The following SH3BP5 variants were observed in gnomAD, a reference collection of about 807,000 sequenced individuals.
The protein encoded by SH3BP5 is SH3 domain-binding protein 5.
In SH3BP5, 22 loss-of-function variants were observed where a neutral mutation model predicts 43.3. The ratio of observed to expected loss-of-function variants is 0.51; its 90% CI spans 0.36 to 0.73. SH3BP5 has a LOEUF of 0.73. Among genes scored for constraint, SH3BP5 ranks in the 30% least tolerant of loss-of-function variants. The probability of loss-of-function intolerance (pLI) is 0.00; values close to 1 mark genes in which losing one functional copy is unlikely to be tolerated. For synonymous variants in SH3BP5, 255 were observed against 225.8 expected, an observed-to-expected ratio of 1.13 and a Z score of -1.16; for missense variants, 529 against 586.9, an observed-to-expected ratio of 0.90 and a Z score of 1.02.
chr3:15,340,995 T>C (rs1698758900), intron 1 of SH3BP5, among the ~76,000 whole-genome samples: 1 of 152,082 alleles, frequency 6.6e-6, no homozygotes, highest in African/African-American at 2.4e-5. Flanking sequence ...GAGGTTGTGA[T>C]GAGCCGAGAG....
intron 2 of SH3BP5, among the ~76,000 whole-genome samples, chr3:15,305,161 A>G (rs1697867946): frequency 6.6e-6 from 1 of 152,184 alleles, no homozygotes; most frequent in South Asian, 2.1e-4. Context: ...TTTTTTAATT[A>G]ACATGGCTAG....
intron 1 of SH3BP5, among the ~76,000 whole-genome samples, chr3:15,341,029 G>A (rs940503662): frequency 5.3e-5 from 8 of 152,050 alleles, no homozygotes; most frequent in African/African-American, 1.9e-4. Context: ...TCCAGCCTGG[G>A]CAACAAGAGT....
chr3:15,312,601 C>T (rs1190057112), intron 2 of SH3BP5, among the ~76,000 whole-genome samples: 1 of 152,138 alleles, frequency 6.6e-6, no homozygotes, highest in Non-Finnish European at 1.5e-5. Context: ...AAGAATGAAG[C>T]AGTTGTTGCT....
At chr3:15,294,330 T>TGTGTGTGTGTGTGTGTGTGCGC (rs565464561) in intron 3 of SH3BP5, among the ~76,000 whole-genome samples, 1 of 121,506 alleles carries the variant, frequency 8.2e-6, no homozygotes, top group Non-Finnish European at 1.6e-5. Context: ...TGTGTGTGTG[T>TGTGTGTGTGTGTGTGTGTGCGC]GCGCGCGCAT....
chr3:15,332,369 C>A lies in SH3BP5; in HGVS notation c.40G>T (p.Ala14Ser). The A allele has an allele frequency of 6.5e-7, 1 of 1,539,760 alleles. No individual in the cohort carries two copies. Among genetic ancestry groups the A allele is most frequent in the Non-Finnish European group, 8.7e-7 (1 of 1,147,896 alleles). The change falls in exon 1 of 9, where the codon GCC becomes TCC. Residue 14 changes from alanine (A) to serine (S), a missense_variant. By Grantham distance (99) the Ala-to-Ser change is moderately conservative (BLOSUM62 1). Transcript: ENST00000383791. ...ALKRSRSEEPAEILPPARDEE... is the reference protein window; with the variant it reads ...ALKRSRSEEPSEILPPARDEE... ...TCCCGGGCAGGCGGCAGGATTTCGG[C>A]TGGCTCCTCCGAGCGGCTCCGCTTC...
At position 15,291,136 on chromosome 3, in the gene SH3BP5, G is replaced by C. The variant is rs75469199; in HGVS notation, c.330+12967C>G. 0.01 allele frequency among the ~76,000 whole-genome samples: 1,593 copies of C among 152,278 alleles called. 84 individuals carry two copies. The East Asian group carries it at 0.17, about 16-fold the overall frequency. ...CTCCTTATCTTAGAAACTCAATTTC[G>C]TCCCAGAAACACCAGGCTTGGGAGT... On this transcript the variant is annotated intron_variant, in intron 3 of 8. Coordinates refer to ENST00000383791, the MANE Select transcript of SH3BP5 (RefSeq NM_004844.5).
chr3:15,317,783 T>C lies in SH3BP5; in HGVS notation c.201+12721A>G, dbSNP rs564355566. Among the ~76,000 whole-genome samples, 10 of 152,298 alleles carry C rather than the reference T, an allele frequency of 6.6e-5. No individual in the cohort carries two copies. The East Asian group carries it at 1.3e-3, about 21-fold the overall frequency. On this transcript the variant is annotated intron_variant, in intron 2 of 8. Transcript: ENST00000383791. ...TCAGGGCTGGAAAAAAGTGTGCCCA[T>C]CTTTTAGTTTAGATGCTCCCATTTC...
At chr3:15,271,910 G>T (rs1696809599) in intron 3 of SH3BP5, among the ~76,000 whole-genome samples, 1 of 152,016 alleles carries the variant, frequency 6.6e-6, no homozygotes, top group African/African-American at 2.4e-5. Flanking sequence ...TCCCCAGCAG[G>T]GTAGAAGCCA....
At chr3:15,259,099 A>G in intron 6 of SH3BP5, 49 bp from the exon 7 acceptor site, 1 of 1,453,868 alleles carries the variant, frequency 6.9e-7, no homozygotes, top group Non-Finnish European at 9.6e-7. Context: ...GCTAGCCTTA[A>G]GATGCTTTCT....
intron 3 of SH3BP5, among the ~76,000 whole-genome samples, chr3:15,296,144 C>T (rs1415750973): frequency 6.6e-6 from 1 of 152,116 alleles, no homozygotes; most frequent in African/African-American, 2.4e-5. Context: ...ATGACTACCA[C>T]AGATAATGAG....
chr3:15,298,557 A>T (rs1293793464), intron 3 of SH3BP5, among the ~76,000 whole-genome samples: 1 of 152,234 alleles, frequency 6.6e-6, no homozygotes, highest in African/African-American at 2.4e-5. Flanking sequence ...CCATTCAAAA[A>T]TAACAAGGGT....
chr3:15,304,327 T>C lies in SH3BP5; in HGVS notation c.202-96A>G, dbSNP rs1697837071. The C allele has an allele frequency of 1.9e-6, 3 of 1,571,826 alleles. No individual in the cohort carries two copies. The South Asian group carries it at 3.4e-5, about 18-fold the overall frequency. ...AGACAGAAACATCAACAAAGGACTT[T>C]ACCCAACGTACAGACCCCTAAAGTA... On this transcript the variant is annotated intron_variant, in intron 2 of 8. Coordinates refer to ENST00000383791, the MANE Select transcript of SH3BP5 (RefSeq NM_004844.5).
chr3:15,337,632 G>A (rs1350241077), intron 1 of SH3BP5, among the ~76,000 whole-genome samples: 10 of 151,976 alleles, frequency 6.6e-5, no homozygotes, highest in Non-Finnish European at 5.9e-5. Context: ...TGGGCCCCAG[G>A]CCAGGTCTCA....
At chr3:15,313,106 A>T (rs138465531) in intron 2 of SH3BP5, among the ~76,000 whole-genome samples, 2,066 of 152,200 alleles carry the variant, frequency 0.014, 43 homozygotes, top group African/African-American at 0.045. Context: ...ATAAAAAAAT[A>T]AAAAAATAGC....
chr3:15,318,891 G>A (rs1698251073), intron 2 of SH3BP5, among the ~76,000 whole-genome samples: 1 of 151,150 alleles, frequency 6.6e-6, no homozygotes, highest in African/African-American at 2.5e-5. Flanking sequence ...TTTTTGACCC[G>A]AAGTTTCATA....
intron 2 of SH3BP5, among the ~76,000 whole-genome samples, chr3:15,316,730 G>GAA (rs5846865): frequency 1.4e-3 from 200 of 147,174 alleles, no homozygotes; most frequent in South Asian, 3.7e-3. Flanking sequence ...CTATGAAATG[G>GAA]AAAAAAAAAA....
At chr3:15,263,894 C>T (rs1172258024) in intron 4 of SH3BP5, among the ~76,000 whole-genome samples, 1 of 152,176 alleles carries the variant, frequency 6.6e-6, no homozygotes, top group African/African-American at 2.4e-5. Context: ...GGGTTATTCT[C>T]TAATTCTGTA....
rs1029370763 is a variant in SH3BP5 at position 15,259,384 on chromosome 3, G to T, written c.670-334C>A. 58 of 514,236 alleles carry T rather than the reference G, an allele frequency of 1.1e-4. No individual in the cohort carries two copies. The East Asian group carries it at 2.0e-3, about 18-fold the overall frequency. 31.9% of individuals were successfully genotyped at this position (514,236 alleles called of 1,614,324 possible). ...TCCCAGTACAGTGGTTCTCAAAGTT[G>T]AGCTTGCATCAAAATCCCCTTGGGT... On this transcript the variant is annotated intron_variant, in intron 6 of 8. Coordinates refer to ENST00000383791, the MANE Select transcript of SH3BP5 (RefSeq NM_004844.5).
At chr3:15,307,445 T>C (rs1035028427) in intron 2 of SH3BP5, among the ~76,000 whole-genome samples, 9 of 152,226 alleles carry the variant, frequency 5.9e-5, no homozygotes, top group Admixed American at 2.0e-4. Context: ...ACTAAAGCTC[T>C]TTCTGCAAGG....
Sources: gnomAD v4.1 joint callset for allele counts (sites outside exome capture counted in the v4.1 genomes callset) on GRCh38, gnomAD v4.1.1 for gene constraint, MANE v1.5 for transcripts, NCBI Gene and HGNC (gene_info 2026-07-23, HGNC 2026-07-21) for gene names.